NPAS3: variants seen among roughly 807,000 people sequenced by gnomAD.
NPAS3 encodes the protein neuronal PAS domain protein 3.
NPAS3 carries 14 observed loss-of-function variants against 73.1 expected under a neutral mutation model. The observed-to-expected ratio is 0.19, with a 90% CI of 0.13 to 0.30. The LOEUF (loss-of-function observed/expected upper bound fraction) is 0.30, where lower values mean the gene tolerates loss of function less well. Ranked by LOEUF, NPAS3 falls within the 10% of genes least tolerant of loss-of-function variation. The pLI, the probability that NPAS3 is intolerant of heterozygous loss-of-function variation, is 1.00. For synonymous variants in NPAS3, 620 were observed against 541.5 expected (o/e 1.14, Z -2.01); for missense variants, 1,096 against 1,250.0 (o/e 0.88, Z 1.86).
At position 33,360,267 on chromosome 14, in the gene NPAS3, A is replaced by G. The variant is rs375281623; in HGVS notation, c.386-6919A>G. Reference sequence around the variant, plus strand: ...TAAAAATCAAGACTTTCTAGCCCTCAAAGATCCTCCTATTCTATATTCTTT... The same window carrying G: ...TAAAAATCAAGACTTTCTAGCCCTCGAAGATCCTCCTATTCTATATTCTTT... On this transcript the variant is annotated intron_variant, in intron 3 of 11. Coordinates refer to ENST00000356141, the Ensembl canonical transcript of NPAS3. Among the ~76,000 whole-genome samples, 8 of 152,254 alleles carry G rather than the reference A, an allele frequency of 5.3e-5. No individual in the cohort carries two copies. In the East Asian group the frequency reaches 9.7e-4, roughly 18 times the overall value.
chr14:32,979,141 A>T (rs368233523), intron 1 of NPAS3, among the ~76,000 whole-genome samples: 2 of 152,180 alleles, frequency 1.3e-5, no homozygotes, highest in African/African-American at 4.8e-5. Context: ...TTAGTGCAGT[A>T]CCTGCCACAC....
intron 1 of NPAS3, among the ~76,000 whole-genome samples, chr14:33,027,668 T>C (rs2039854807): frequency 6.6e-6 from 1 of 152,218 alleles, no homozygotes; most frequent in Non-Finnish European, 1.5e-5. Context: ...ATTTGTTTTC[T>C]GTATCATATG....
At chr14:33,578,824 G>C (rs2056551526) in intron 5 of NPAS3, among the ~76,000 whole-genome samples, 1 of 151,852 alleles carries the variant, frequency 6.6e-6, no homozygotes, top group Non-Finnish European at 1.5e-5. Flanking sequence ...GAAACCACAG[G>C]GGAAAACAAA....
chr14:33,408,670 G>A (rs1019406304), intron 4 of NPAS3, among the ~76,000 whole-genome samples: 3 of 152,112 alleles, frequency 2.0e-5, no homozygotes, highest in African/African-American at 7.2e-5. Context: ...GCACATGTGG[G>A]GTGCCAGTAG....
chr14:33,223,475 C>T (rs1282801599), intron 3 of NPAS3, among the ~76,000 whole-genome samples: 3 of 152,142 alleles, frequency 2.0e-5, no homozygotes, highest in Non-Finnish European at 4.4e-5. Context: ...ATGTGCAATA[C>T]ATAATGGTAT....
chr14:33,608,463 T>A (rs934815933), intron 5 of NPAS3: 12 of 152,250 alleles, frequency 7.9e-5, no homozygotes, highest in African/African-American at 2.4e-4. Flanking sequence ...TCTCTCTTGC[T>A]TTCAGTTCTT....
chr14:33,301,486 TAGAC>T (rs889771045), intron 3 of NPAS3, among the ~76,000 whole-genome samples: 3 of 151,776 alleles, frequency 2.0e-5, no homozygotes, highest in Non-Finnish European at 4.4e-5. Flanking sequence ...ACTAGCCTGT[TAGAC>T]AGAGTGGGAA....
intron 9 of NPAS3, among the ~76,000 whole-genome samples, chr14:33,780,465 G>A (rs777607840): frequency 5.9e-5 from 9 of 152,114 alleles, no homozygotes; most frequent in Non-Finnish European, 1.3e-4. Flanking sequence ...TGAGGACACT[G>A]TCATAGACCA....
intron 5 of NPAS3, among the ~76,000 whole-genome samples, chr14:33,566,720 G>A (rs574361503): frequency 1.8e-4 from 28 of 152,250 alleles, no homozygotes; most frequent in Admixed American, 4.6e-4. Context: ...CTCTGTAGTT[G>A]CAGGGTGTTT....
At chr14:33,140,373 A>G (rs1291744585) in intron 2 of NPAS3, among the ~76,000 whole-genome samples, 2 of 151,984 alleles carry the variant, frequency 1.3e-5, no homozygotes, top group African/African-American at 2.4e-5. Context: ...ACACAGAAAA[A>G]AACAGTCACT....
rs116823420 is a variant in NPAS3 at position 33,486,542 on chromosome 14, T to C, written c.469-73579T>C. ...CTAGGCTGTAGATGCACTAAACTCC[T>C]GTTAGCTATAACCCCTGTTATACAT... On this transcript the variant is annotated intron_variant, in intron 4 of 11. Coordinates refer to ENST00000356141, the Ensembl canonical transcript of NPAS3. 4.2e-3 allele frequency among the ~76,000 whole-genome samples: 637 copies of C among 152,322 alleles called. 7 individuals carry two copies. The highest frequency in any genetic ancestry group is 0.015 in the African/African-American group (605 of 41,594).
chr14:33,614,219 G>T (rs2057843125), intron 5 of NPAS3, among the ~76,000 whole-genome samples: 1 of 152,160 alleles, frequency 6.6e-6, no homozygotes, highest in Admixed American at 6.5e-5. Flanking sequence ...AAGGGTAGTT[G>T]TTAAGCATCT....
At chr14:33,088,123 T>TG (rs1337710146) in intron 2 of NPAS3, among the ~76,000 whole-genome samples, 2 of 152,096 alleles carry the variant, frequency 1.3e-5, no homozygotes, top group African/African-American at 4.8e-5. Flanking sequence ...ACACAGAAGA[T>TG]GGGGGATTTC....
chr14:33,359,834 TGTG>T (rs1277545989), intron 3 of NPAS3, among the ~76,000 whole-genome samples: 1 of 152,220 alleles, frequency 6.6e-6, no homozygotes, highest in Non-Finnish European at 1.5e-5. Context: ...TTCTGTGTAC[TGTG>T]GGCTTAATTC....
chr14:33,298,710 T>C (rs1171512936), intron 3 of NPAS3, among the ~76,000 whole-genome samples: 1 of 152,212 alleles, frequency 6.6e-6, no homozygotes, highest in Non-Finnish European at 1.5e-5. Context: ...TCTAGGAAGA[T>C]AATGTATAAG....
At chr14:33,753,823 G>A (rs1356542495) in intron 7 of NPAS3, among the ~76,000 whole-genome samples, 2 of 152,050 alleles carry the variant, frequency 1.3e-5, no homozygotes, top group Non-Finnish European at 2.9e-5. Context: ...CAAAGTATGG[G>A]CAAATGTCCA....
intron 5 of NPAS3, among the ~76,000 whole-genome samples, chr14:33,572,160 C>G (rs187954596): frequency 6.6e-6 from 1 of 152,044 alleles, no homozygotes; most frequent in Non-Finnish European, 1.5e-5. Flanking sequence ...ATATAAAATT[C>G]TAAACAATTC....
intron 2 of NPAS3, among the ~76,000 whole-genome samples, chr14:33,127,604 C>T (rs551014199): frequency 7.2e-5 from 11 of 152,206 alleles, no homozygotes; most frequent in African/African-American, 2.6e-4. Context: ...AGGTTCAGAT[C>T]CTGCATTTTA....
chr14:33,489,236 G>A (rs1054543892), intron 4 of NPAS3, among the ~76,000 whole-genome samples: 4 of 151,990 alleles, frequency 2.6e-5, no homozygotes, highest in South Asian at 2.1e-4. Context: ...CTACTCTTTC[G>A]GATTGACTCC....
Sources: allele counts gnomAD v4.1 joint callset (sites outside exome capture counted in the v4.1 genomes callset), GRCh38; gene constraint gnomAD v4.1.1; transcripts MANE v1.5; gene names NCBI Gene and HGNC (gene_info 2026-07-23, HGNC 2026-07-21).